Variants in STK32B observed in about 807,000 individuals in gnomAD.
STK32B encodes serine/threonine kinase 32B.
A neutral mutation model predicts 52.6 loss-of-function variants in STK32B; 43 were observed. That is an observed-to-expected ratio of 0.82 (90% CI 0.64 to 1.05). The LOEUF (loss-of-function observed/expected upper bound fraction) is 1.05, where lower values mean the gene tolerates loss of function less well. Among genes scored for constraint, STK32B ranks in the 50% least tolerant of loss-of-function variants. STK32B has a pLI of 0.00. For missense variants in STK32B, 621 were observed against 534.6 expected, an observed-to-expected ratio of 1.16 and a Z score of -1.59; for synonymous variants, 238 against 204.3, an observed-to-expected ratio of 1.17 and a Z score of -1.41.
intron 3 of STK32B, among the ~76,000 whole-genome samples, chr4:5,228,860 G>A (rs914489620): frequency 2.0e-5 from 3 of 152,004 alleles, no homozygotes; most frequent in Admixed American, 1.3e-4. Flanking sequence ...CCAGCTACTC[G>A]GAAGCCTGAG....
At chr4:5,023,591 C>T in the STK32B span, among the ~76,000 whole-genome samples, 1 of 152,172 alleles carries the variant, frequency 6.6e-6, no homozygotes, top group Non-Finnish European at 1.5e-5. Flanking sequence ...TAAGACCATT[C>T]TCATTCTTCA....
intron 3 of STK32B, among the ~76,000 whole-genome samples, chr4:5,235,529 G>A (rs111421867): frequency 0.017 from 2,558 of 152,258 alleles, 53 homozygotes; most frequent in African/African-American, 0.057. Context: ...TGTCGAATTA[G>A]CAACTTTATC....
chr4:5,202,387 T>G (rs1248467610), intron 3 of STK32B, among the ~76,000 whole-genome samples: 4 of 152,218 alleles, frequency 2.6e-5, no homozygotes, highest in African/African-American at 9.6e-5. Flanking sequence ...CATGGCTGCT[T>G]TCACAGGCTG....
At position 5,399,192 on chromosome 4, in the gene STK32B, A is replaced by T. The variant is rs147768994; in HGVS notation, c.472+948A>T. ...TCAGGGGCCCGTCTCTCAGGGCCTA[A>T]CATGGGGTTGGCTGGAGGGAGCAGG... On this transcript the variant is annotated intron_variant, in intron 5 of 11. Coordinates refer to ENST00000282908, the MANE Select transcript of STK32B (RefSeq NM_018401.3). The surrounding 1 kb of genome is among the most constrained non-coding windows in gnomAD (Gnocchi z 5.4). Among the ~76,000 whole-genome samples the T allele has an allele frequency of 2.2e-3, 326 of 150,674 alleles. No individual in the cohort carries two copies. The highest frequency in any genetic ancestry group is 7.4e-3 in the African/African-American group (305 of 41,482).
the STK32B span, among the ~76,000 whole-genome samples, chr4:5,035,242 A>G: frequency 6.6e-6 from 1 of 152,232 alleles, no homozygotes. Flanking sequence ...CATAGTCTGC[A>G]TGTACATTCA....
chr4:5,181,949 G>T (rs1017966709), intron 3 of STK32B, among the ~76,000 whole-genome samples: 7 of 152,176 alleles, frequency 4.6e-5, no homozygotes, highest in African/African-American at 1.4e-4. Context: ...TTTACCTGTG[G>T]TAGAACTTCT....
At chr4:5,201,795 C>T (rs1304546748) in intron 3 of STK32B, among the ~76,000 whole-genome samples, 17 of 152,112 alleles carry the variant, frequency 1.1e-4, no homozygotes, top group Admixed American at 1.1e-3. Flanking sequence ...CTCACTGTCT[C>T]GAGAATAGAA....
chr4:5,217,257 C>A (rs1723234183), intron 3 of STK32B, among the ~76,000 whole-genome samples: 1 of 152,116 alleles, frequency 6.6e-6, no homozygotes. Flanking sequence ...TTATGATTGA[C>A]TGATGTAATT....
At chr4:5,222,094 C>T (rs1265448137) in intron 3 of STK32B, among the ~76,000 whole-genome samples, 4 of 152,114 alleles carry the variant, frequency 2.6e-5, no homozygotes, top group African/African-American at 7.2e-5. Flanking sequence ...GAGAGCAGTC[C>T]TCACCAGACA....
chr4:5,178,007 C>T (rs566782068), intron 3 of STK32B, among the ~76,000 whole-genome samples: 1 of 152,194 alleles, frequency 6.6e-6, no homozygotes, highest in South Asian at 2.1e-4. Flanking sequence ...GTCTGGAGGA[C>T]AGTGGCTGTC....
At chr4:5,482,648 C>T (rs926277085) in intron 11 of STK32B, among the ~76,000 whole-genome samples, 22 of 152,176 alleles carry the variant, frequency 1.4e-4, no homozygotes, top group African/African-American at 4.3e-4. Flanking sequence ...TGAGAGAGGG[C>T]ATCCCTATCT....
At chr4:5,264,904 T>C (rs900249518) in intron 3 of STK32B, among the ~76,000 whole-genome samples, 1 of 152,234 alleles carries the variant, frequency 6.6e-6, no homozygotes, top group Non-Finnish European at 1.5e-5. Flanking sequence ...CTTTTTATTT[T>C]ATTAGTGACG....
At chr4:5,392,952 A>T (rs1736675707) in intron 4 of STK32B, among the ~76,000 whole-genome samples, 1 of 152,190 alleles carries the variant, frequency 6.6e-6, no homozygotes, top group South Asian at 2.1e-4. Context: ...GAAGCAGGAG[A>T]CAGAAGGGAG....
At chr4:5,285,116 A>G (rs751246778) in intron 3 of STK32B, among the ~76,000 whole-genome samples, 15 of 152,234 alleles carry the variant, frequency 9.9e-5, no homozygotes, top group Non-Finnish European at 1.8e-4. Context: ...TAATTTCTCT[A>G]GCTTACTTTA....
rs142747849 is a variant in STK32B at position 5,415,426 on chromosome 4, A to C, written c.473-1419A>C. On this transcript the variant is annotated intron_variant, in intron 5 of 11. Coordinates refer to ENST00000282908, the MANE Select transcript of STK32B (RefSeq NM_018401.3). ...AGGCAGTCTGGCTCAGAGTGTGTGC[A>C]CCCAACTACTACTACACACTGCCAC... Among the ~76,000 whole-genome samples the C allele has an allele frequency of 1.1e-3, 173 of 152,296 alleles. 1 individual carries two copies. The East Asian group carries it at 0.014, about 12-fold the overall frequency.
At chr4:5,331,117 C>T (rs1732214290) in intron 3 of STK32B, 103 bp from the exon 4 acceptor site, 3 of 1,169,406 alleles carry the variant, frequency 2.6e-6, no homozygotes, top group Admixed American at 2.6e-5. Flanking sequence ...CTCAGTGCCT[C>T]TCTCTGAGCC....
intron 1 of STK32B, among the ~76,000 whole-genome samples, chr4:5,063,133 G>A (rs976872896): frequency 1.3e-5 from 2 of 152,082 alleles, no homozygotes; most frequent in East Asian, 3.9e-4. Flanking sequence ...CTAGGTCATA[G>A]CACAGGTGTG....
intron 2 of STK32B, among the ~76,000 whole-genome samples, chr4:5,166,491 T>C (rs985091223): frequency 7.1e-6 from 1 of 141,452 alleles, no homozygotes; most frequent in African/African-American, 2.7e-5. Context: ...TAGATGAGAG[T>C]GGGCCTAAGT....
chr4:5,279,768 G>A (rs920385218), intron 3 of STK32B, among the ~76,000 whole-genome samples: 1 of 152,172 alleles, frequency 6.6e-6, no homozygotes, highest in Non-Finnish European at 1.5e-5. Flanking sequence ...TTGTGCACTC[G>A]CTGTCTCAAC....
Sources: allele counts gnomAD v4.1 joint callset (sites outside exome capture counted in the v4.1 genomes callset), GRCh38; gene constraint gnomAD v4.1.1; non-coding constraint Gnocchi (gnomAD v3.1); transcripts MANE v1.5; gene names NCBI Gene and HGNC (gene_info 2026-07-23, HGNC 2026-07-21).